The following CACNA1E variants were observed in gnomAD, a reference collection of about 807,000 sequenced individuals.
The protein encoded by CACNA1E is calcium voltage-gated channel subunit alpha1 E, also known as voltage-dependent R-type calcium channel subunit alpha-1E.
A neutral mutation model predicts 259.2 loss-of-function variants in CACNA1E; 40 were observed. The ratio of observed to expected loss-of-function variants is 0.15; its 90% CI spans 0.12 to 0.20. CACNA1E has a LOEUF of 0.20. Among genes scored for constraint, CACNA1E ranks in the 10% least tolerant of loss-of-function variants. The pLI, the probability that CACNA1E is intolerant of heterozygous loss-of-function variation, is 1.00. For missense variants in CACNA1E, 1,874 were observed against 3,040.1 expected, an observed-to-expected ratio of 0.62 and a Z score of 9.02; for synonymous variants, 1,104 against 1,138.5, an observed-to-expected ratio of 0.97 and a Z score of 0.61.
At chr1:181,379,147 A>G (rs111487337) in intron 1 of CACNA1E, among the ~76,000 whole-genome samples, 44 of 152,328 alleles carry the variant, frequency 2.9e-4, no homozygotes, top group Non-Finnish European at 4.9e-4. Context: ...GGCCAAGTCC[A>G]TAGCAATAAA....
intron 1 of CACNA1E, among the ~76,000 whole-genome samples, chr1:181,367,040 C>T (rs1305223060): frequency 6.6e-6 from 1 of 152,174 alleles, no homozygotes; most frequent in Non-Finnish European, 1.5e-5. Flanking sequence ...CTATTAGCTA[C>T]TTTGGGAGCT....
chr1:181,539,772 T>C (rs1668442235), intron 3 of CACNA1E, among the ~76,000 whole-genome samples: 2 of 152,250 alleles, frequency 1.3e-5, no homozygotes, highest in Non-Finnish European at 2.9e-5. Flanking sequence ...CATTACTTAA[T>C]GGATAAGACT....
At chr1:181,644,615 C>T (rs1299638459) in intron 6 of CACNA1E, among the ~76,000 whole-genome samples, 1 of 152,082 alleles carries the variant, frequency 6.6e-6, no homozygotes, top group Non-Finnish European at 1.5e-5. Flanking sequence ...GGGTCAAAAC[C>T]CTGATAGAAT....
At position 181,537,095 on chromosome 1, in the gene CACNA1E, C is replaced by CTT. The variant is rs201514362; in HGVS notation, c.512+25605_512+25606dup. Among the ~76,000 whole-genome samples the CTT allele has an allele frequency of 1.2e-3, 137 of 112,632 alleles. 1 individual carries two copies. The highest frequency in any genetic ancestry group is 2.0e-3 in the African/African-American group (55 of 26,880). 73.9% of individuals were successfully genotyped at this position (112,632 alleles called of 152,430 possible). A position where few individuals can be genotyped will look rare whatever the true frequency, so the allele number is the denominator to read the frequency against. The stretch of plus-strand genomic sequence containing the variant: ...GGGGGCCGTGGTTTCTTTTTCTTTT[C>CTT]TTTTTTTTTTTTTTTTTTTTTGAGA... On this transcript the variant is annotated intron_variant, in intron 3 of 47. Coordinates refer to ENST00000367573, the MANE Select transcript of CACNA1E (RefSeq NM_001205293.3).
chr1:181,708,011 A>T (rs1411311647), intron 7 of CACNA1E, among the ~76,000 whole-genome samples: 1 of 152,142 alleles, frequency 6.6e-6, no homozygotes, highest in Non-Finnish European at 1.5e-5. Context: ...ACCCAAAGAG[A>T]AGAGGCAACA....
At chr1:181,696,634 G>A (rs1042122097) in intron 7 of CACNA1E, among the ~76,000 whole-genome samples, 14 of 152,164 alleles carry the variant, frequency 9.2e-5, no homozygotes, top group Admixed American at 4.6e-4. Flanking sequence ...TGTAAGTGGA[G>A]CTGTGACCAG....
At chr1:181,596,827 G>A (rs1292376071) in intron 6 of CACNA1E, among the ~76,000 whole-genome samples, 2 of 152,152 alleles carry the variant, frequency 1.3e-5, no homozygotes, top group African/African-American at 4.8e-5. Context: ...TTCCAACATT[G>A]TTAGAAGCTG....
At chr1:181,540,201 G>A (rs978340068) in intron 3 of CACNA1E, among the ~76,000 whole-genome samples, 15 of 152,108 alleles carry the variant, frequency 9.9e-5, no homozygotes, top group Non-Finnish European at 1.2e-4. Context: ...TTCTATACAT[G>A]CACACAATAA....
chr1:181,616,989 A>G (rs188110023), intron 6 of CACNA1E, among the ~76,000 whole-genome samples: 8 of 152,314 alleles, frequency 5.3e-5, no homozygotes, highest in Middle Eastern at 3.4e-3. Flanking sequence ...ATTATCTTTT[A>G]AAACATTCAT....
chr1:181,356,684 C>A (rs539302165), intron 1 of CACNA1E, among the ~76,000 whole-genome samples: 2 of 152,298 alleles, frequency 1.3e-5, no homozygotes, highest in African/African-American at 4.8e-5. Context: ...TTCTCTGCCA[C>A]CTTGGAGGAA....
chr1:181,376,868 T>A (rs1435337182), intron 1 of CACNA1E, among the ~76,000 whole-genome samples: 2 of 152,162 alleles, frequency 1.3e-5, no homozygotes, highest in Non-Finnish European at 2.9e-5. Flanking sequence ...TGGCCTTTGC[T>A]ACTTCTGTAC....
intron 25 of CACNA1E, among the ~76,000 whole-genome samples, chr1:181,741,187 G>A (rs1656536461): frequency 6.6e-6 from 1 of 152,150 alleles, no homozygotes; most frequent in Non-Finnish European, 1.5e-5. Flanking sequence ...CCCATCTTTA[G>A]GAAGAACAGA....
At chr1:181,773,833 T>C (rs537901336) in intron 37 of CACNA1E, among the ~76,000 whole-genome samples, 1 of 152,380 alleles carries the variant, frequency 6.6e-6, no homozygotes, top group Admixed American at 6.5e-5. Context: ...TGGAAATTAA[T>C]TAGGGACCTT....
chr1:181,330,625 C>T (rs949222994), intron 1 of CACNA1E, among the ~76,000 whole-genome samples: 21 of 152,222 alleles, frequency 1.4e-4, no homozygotes, highest in Non-Finnish European at 2.2e-4. Context: ...GTTGCTGAAA[C>T]ATAAAGCTGC....
chr1:181,681,065 G>A (rs72733173), intron 7 of CACNA1E, among the ~76,000 whole-genome samples: 17,923 of 152,282 alleles, frequency 0.12, 1,101 homozygotes, highest in Middle Eastern at 0.16. Flanking sequence ...TTCTACTGAC[G>A]TTTCATTAGG....
intron 25 of CACNA1E, among the ~76,000 whole-genome samples, chr1:181,748,329 A>G (rs1657288646): frequency 6.6e-6 from 1 of 152,218 alleles, no homozygotes; most frequent in Non-Finnish European, 1.5e-5. Flanking sequence ...CTTATATGGT[A>G]TATGTGGTAA....
intron 3 of CACNA1E, among the ~76,000 whole-genome samples, chr1:181,553,122 C>T (rs1258238594): frequency 1.3e-5 from 2 of 152,164 alleles, no homozygotes; most frequent in Admixed American, 6.5e-5. Flanking sequence ...TTGATTCTTC[C>T]TATCCATGAA....
At chr1:181,542,962 A>G (rs769272186) in intron 3 of CACNA1E, among the ~76,000 whole-genome samples, 6 of 149,824 alleles carry the variant, frequency 4.0e-5, no homozygotes, top group African/African-American at 7.4e-5. Context: ...ATATTAAAGA[A>G]TATAAACAAG....
rs1338732012 is a variant in CACNA1E at position 181,752,370 on chromosome 1, T to A, written c.3828+131T>A. The A allele has an allele frequency of 8.8e-6, 6 of 684,536 alleles. No individual in the cohort carries two copies. In the Admixed American group the frequency reaches 1.2e-4, roughly 14 times the overall value. 42.4% of individuals were successfully genotyped at this position (684,536 alleles called of 1,614,324 possible). ...TCTCACACGGATATCGAAGTTCTTT[T>A]CATCTGCCTGAGCTAAAGGTCTTAG... On this transcript the variant is annotated intron_variant, in intron 27 of 47. Transcript: ENST00000367573.
Sources: allele counts gnomAD v4.1 joint callset (sites outside exome capture counted in the v4.1 genomes callset), GRCh38; gene constraint gnomAD v4.1.1; transcripts MANE v1.5; gene names NCBI Gene and HGNC (gene_info 2026-07-23, HGNC 2026-07-21).